The following AMPD3 variants were observed in gnomAD, a reference collection of about 807,000 sequenced individuals.
The protein encoded by AMPD3 is adenosine monophosphate deaminase 3.
AMPD3 carries 57 observed loss-of-function variants against 82.3 expected under a neutral mutation model. The ratio of observed to expected loss-of-function variants is 0.69; its 90% CI spans 0.56 to 0.86. The LOEUF is 0.86. AMPD3 is among the 40% of genes least tolerant of loss of function. The probability of loss-of-function intolerance (pLI) is 0.00; values close to 1 mark genes in which losing one functional copy is unlikely to be tolerated. For missense variants in AMPD3, 870 were observed against 1,003.8 expected (o/e 0.87, Z 1.80); for synonymous variants, 381 against 394.7 (o/e 0.97, Z 0.41).
At chr11:10,478,198 C>T (rs1848795444) in intron 2 of AMPD3, 1 of 985,376 alleles carries the variant, frequency 1.0e-6, no homozygotes. Flanking sequence ...CTCTAGTGCC[C>T]TGTGGTTTTA....
chr11:10,461,475 C>A, intron 1 of AMPD3, 40 bp from the exon 2 acceptor site: 1 of 1,613,674 alleles, frequency 6.2e-7, no homozygotes, highest in South Asian at 1.1e-5. Context: ...GCTGGTGACT[C>A]AGGGCATCCT....
intron 2 of AMPD3, among the ~76,000 whole-genome samples, chr11:10,466,275 A>G (rs936929726): frequency 1.3e-5 from 2 of 152,044 alleles, no homozygotes; most frequent in Non-Finnish European, 2.9e-5. Flanking sequence ...GAAAAAAAAA[A>G]AAGATCCACT....
At chr11:10,486,540 TG>T in intron 5 of AMPD3, 1 of 984,342 alleles carries the variant, frequency 1.0e-6, no homozygotes, top group Non-Finnish European at 1.2e-6. Context: ...GGTGGGAATC[TG>T]GGGGCATCAG....
chr11:10,469,077 A>G (rs187196454), intron 2 of AMPD3, among the ~76,000 whole-genome samples: 1 of 152,346 alleles, frequency 6.6e-6, no homozygotes, highest in Non-Finnish European at 1.5e-5. Context: ...ATCACAATTA[A>G]AAGAGCTAGA....
At chr11:10,466,261 C>T (rs1236389759) in intron 2 of AMPD3, among the ~76,000 whole-genome samples, 6 of 148,118 alleles carry the variant, frequency 4.1e-5, no homozygotes, top group Admixed American at 1.3e-4. Context: ...AACTCCGTCT[C>T]AAAGAAAAAA....
chr11:10,480,308 A>G (rs569656971), intron 3 of AMPD3, among the ~76,000 whole-genome samples: 2 of 152,322 alleles, frequency 1.3e-5, no homozygotes, highest in Admixed American at 6.5e-5. Context: ...TGTCATGCTG[A>G]GTCCATTGGT....
chr11:10,484,318 T>A, intron 4 of AMPD3: 2 of 985,334 alleles, frequency 2.0e-6, no homozygotes, highest in Non-Finnish European at 2.4e-6. Context: ...CTTTGCTCCT[T>A]TGGGGAGGGA....
rs937605898 is a variant in AMPD3 at position 10,456,018 on chromosome 11, G to A, written c.-6+570G>A. ...CTTATCTCCTGCAGCTGGGCAGGAC[G>A]GCTGAGTTTACTGTTGTAAAGAGGA... On this transcript the variant is annotated intron_variant, in intron 1 of 14. Coordinates refer to ENST00000396553, the MANE Select transcript of AMPD3 (RefSeq NM_001025389.2). The surrounding 1 kb of genome is among the most constrained non-coding windows in gnomAD (Gnocchi z 4.3). 2.0e-6 allele frequency: 2 copies of A among 985,252 alleles called. No homozygotes were observed. Among genetic ancestry groups the A allele is most frequent in the African/African-American group, 1.7e-5 (1 of 57,206 alleles). 61.0% of individuals were successfully genotyped at this position (985,252 alleles called of 1,614,324 possible). A position where few individuals can be genotyped will look rare whatever the true frequency, so the allele number is the denominator to read the frequency against.
intron 1 of AMPD3, among the ~76,000 whole-genome samples, chr11:10,459,316 T>G (rs1250100200): frequency 1.3e-5 from 2 of 152,178 alleles, no homozygotes; most frequent in African/African-American, 4.8e-5. Context: ...GTGTCATGAC[T>G]TAGTCCCACA....
At chr11:10,475,616 T>A (rs1295640806) in intron 2 of AMPD3, among the ~76,000 whole-genome samples, 4 of 152,220 alleles carry the variant, frequency 2.6e-5, no homozygotes, top group Admixed American at 2.0e-4. Flanking sequence ...GTGATGATGT[T>A]ATGGAATATG....
rs375278215 is a variant in AMPD3, at chr11:10,505,934, C to G, written c.*50C>G. 6 of 1,604,380 alleles carry G rather than the reference C, an allele frequency of 3.7e-6. No individual in the cohort carries two copies. In the African/African-American group the frequency reaches 8.0e-5, roughly 21 times the overall value. On this transcript the variant is annotated 3_prime_UTR_variant, in exon 15 of 15. Transcript: ENST00000396553. ...ACTTTTTGGTTCAATTTCAAGTCTG[C>G]TGTGGCTAATAGTGGTCAAGATTCC...
At chr11:10,500,733 T>G in intron 11 of AMPD3, 2 of 985,362 alleles carry the variant, frequency 2.0e-6, no homozygotes, top group Non-Finnish European at 2.4e-6. Context: ...ACTGGACAAA[T>G]AACGGGGAAC....
chr11:10,502,904 T>C lies in AMPD3; in HGVS notation c.2016+10T>C. ...GTTCCACTACACGAAGGTAAGGACT[T>C]TGGGGTGAGGACAGTAGTGCTTCAG... is the stretch of plus-strand genomic sequence containing the variant. On this transcript the variant is annotated intron_variant, in intron 13 of 14. Transcript: ENST00000396553. 6.2e-7 allele frequency: 1 copy of C among 1,613,980 alleles called. No homozygotes were observed. Among genetic ancestry groups the C allele is most frequent in the East Asian group, 2.2e-5 (1 of 44,880 alleles).
chr11:10,461,772 T>C (rs1319805259), intron 2 of AMPD3, 32 bp downstream of exon 2: 1 of 1,568,574 alleles, frequency 6.4e-7, no homozygotes, highest in Admixed American at 1.9e-5. Flanking sequence ...TTCGTGTACA[T>C]AGAGTCATGC....
chr11:10,453,949 G>A (rs1848023403), upstream of AMPD3, among the ~76,000 whole-genome samples: 1 of 152,152 alleles, frequency 6.6e-6, no homozygotes, highest in Non-Finnish European at 1.5e-5. Flanking sequence ...AGTTTGTAAG[G>A]GGTGCTTAAG....
intron 4 of AMPD3, 22 bp downstream of exon 4, chr11:10,482,247 T>C (rs1187216920): frequency 1.9e-6 from 3 of 1,609,998 alleles, no homozygotes; most frequent in African/African-American, 1.3e-5. Context: ...TGGCTGGAGG[T>C]TGGGTCCCAA....
intron 2 of AMPD3, among the ~76,000 whole-genome samples, chr11:10,468,258 G>A (rs1006582225): frequency 6.6e-6 from 1 of 151,874 alleles, no homozygotes; most frequent in Non-Finnish European, 1.5e-5. Flanking sequence ...ACAGTGTGCT[G>A]TATTCAGGAG....
At position 10,478,822 on chromosome 11, in the gene AMPD3, C is replaced by T. The variant is rs181874940; in HGVS notation, c.426+92C>T. The T allele has an allele frequency of 6.6e-3, 8,917 of 1,360,494 alleles. 40 individuals carry two copies. Among genetic ancestry groups the T allele is most frequent in the Non-Finnish European group, 8.2e-3 (7,968 of 975,566 alleles). 84.3% of individuals were successfully genotyped at this position (1,360,494 alleles called of 1,614,324 possible). A position where few individuals can be genotyped will look rare whatever the true frequency, so the allele number is the denominator to read the frequency against. ...GGTCGTGCCTCCCTCTGGAGCCTGG[C>T]CCTGTCCGTGGATGTCTGGGAGAAG... On this transcript the variant is annotated intron_variant, in intron 3 of 14. Transcript: ENST00000396553.
chr11:10,474,890 C>T (rs1848694204), intron 2 of AMPD3, among the ~76,000 whole-genome samples: 1 of 152,132 alleles, frequency 6.6e-6, no homozygotes, highest in Non-Finnish European at 1.5e-5. Context: ...GTGCAAGGTG[C>T]AGCAGGTGAG....
Sources: allele counts gnomAD v4.1 joint callset (sites outside exome capture counted in the v4.1 genomes callset), GRCh38; gene constraint gnomAD v4.1.1; non-coding constraint Gnocchi (gnomAD v3.1); transcripts MANE v1.5; gene names NCBI Gene and HGNC (gene_info 2026-07-23, HGNC 2026-07-21).